Variants in RBFOX1 observed in about 807,000 individuals in gnomAD.
RBFOX1 encodes the protein RNA binding fox-1 homolog 1.
A neutral mutation model predicts 57.7 loss-of-function variants in RBFOX1; 8 were observed. The observed-to-expected ratio is 0.14, with a 90% CI of 0.08 to 0.25. The LOEUF (loss-of-function observed/expected upper bound fraction) is 0.25, where lower values mean the gene tolerates loss of function less well. RBFOX1 is among the 10% of genes least tolerant of loss of function. The probability of loss-of-function intolerance (pLI) is 1.00; values close to 1 mark genes in which losing one functional copy is unlikely to be tolerated. For synonymous variants in RBFOX1, 326 were observed against 222.4 expected, an observed-to-expected ratio of 1.47 and a Z score of -4.15; for missense variants, 611 against 548.5, an observed-to-expected ratio of 1.11 and a Z score of -1.14.
intron 1 of RBFOX1, among the ~76,000 whole-genome samples, chr16:6,032,308 A>C (rs1048120018): frequency 2.9e-4 from 44 of 152,298 alleles, no homozygotes; most frequent in African/African-American, 1.1e-3. Flanking sequence ...TGGAATTGCC[A>C]CTTAAAAAAA....
At chr16:5,745,718 CT>C (rs2052954675) in intron 3 of RBFOX1, among the ~76,000 whole-genome samples, 1 of 152,092 alleles carries the variant, frequency 6.6e-6, no homozygotes, top group Non-Finnish European at 1.5e-5. Context: ...TTTCATGTGT[CT>C]TTTGGCTGCA....
intron 3 of RBFOX1, among the ~76,000 whole-genome samples, chr16:5,657,244 C>A (rs2049460365): frequency 1.3e-5 from 2 of 152,140 alleles, no homozygotes; most frequent in African/African-American, 4.8e-5. Context: ...CATATATGGT[C>A]TTAGAACCAT....
chr16:6,302,999 C>G (rs1312262645), intron 1 of RBFOX1, among the ~76,000 whole-genome samples: 1 of 152,158 alleles, frequency 6.6e-6, no homozygotes, highest in African/African-American at 2.4e-5. Context: ...ATACTTGGGG[C>G]AGACCCCACT....
intron 3 of RBFOX1, among the ~76,000 whole-genome samples, chr16:6,927,332 GA>G (rs2075770445): frequency 6.9e-6 from 1 of 144,216 alleles, no homozygotes; most frequent in South Asian, 2.3e-4. Flanking sequence ...AGAATCGCTG[GA>G]ACCCGGGAGG....
At position 5,609,582 on chromosome 16, in the gene RBFOX1, G is replaced by A. The variant is rs777495146; in HGVS notation, c.318+10621G>A. ...CCGTGTCAGCGAAGGTTGACCCAGCGTCACTCCAGGCCAGAGCCTGGCCAA... is the reference window on the plus strand; with the variant it reads ...CCGTGTCAGCGAAGGTTGACCCAGCATCACTCCAGGCCAGAGCCTGGCCAA... On this transcript the variant is annotated intron_variant, in intron 3 of 19. Coordinates refer to the RBFOX1 transcript ENST00000641259. Among the ~76,000 whole-genome samples the A allele has an allele frequency of 3.2e-4, 48 of 152,282 alleles. No individual in the cohort carries two copies. The East Asian group carries it at 4.2e-3, about 13-fold the overall frequency.
chr16:6,216,584 G>A (rs537531471), intron 1 of RBFOX1, among the ~76,000 whole-genome samples: 14 of 152,278 alleles, frequency 9.2e-5, no homozygotes, highest in South Asian at 8.3e-4. Flanking sequence ...GTGAGCAAAA[G>A]CAAAGTATCC....
chr16:6,862,576 G>C (rs966469622), intron 3 of RBFOX1, among the ~76,000 whole-genome samples: 2 of 152,186 alleles, frequency 1.3e-5, no homozygotes. Context: ...TTTCCAGGAA[G>C]AAAAGAGAGT....
intron 4 of RBFOX1, among the ~76,000 whole-genome samples, chr16:7,247,459 C>T (rs550232721): frequency 6.6e-6 from 1 of 152,068 alleles, no homozygotes; most frequent in Non-Finnish European, 1.5e-5. Context: ...GTGTTAAGTT[C>T]CTGGTATGTG....
chr16:5,891,740 G>T (rs558185049), intron 4 of RBFOX1, among the ~76,000 whole-genome samples: 23 of 152,174 alleles, frequency 1.5e-4, no homozygotes, highest in Non-Finnish European at 3.2e-4. Context: ...GGGCTGTGGG[G>T]CCCAGAAAGT....
Position 7,154,685 on chromosome 16 carries a change from T to TTGTG in RBFOX1, c.27+102632_27+102635dup, listed in dbSNP as rs56742260. 7.3e-3 allele frequency among the ~76,000 whole-genome samples: 1,052 copies of TTGTG among 143,202 alleles called. 14 individuals are homozygous for TTGTG. The highest frequency in any genetic ancestry group is 0.018 in the African/African-American group (680 of 37,444). The allele number at this position is 143,202 out of a possible 152,430, so 93.9% of individuals were successfully genotyped here. A position where few individuals can be genotyped will look rare whatever the true frequency, so the allele number is the denominator to read the frequency against. On this transcript the variant is annotated intron_variant, in intron 4 of 15. Coordinates refer to ENST00000550418, the MANE Select transcript of RBFOX1 (RefSeq NM_018723.4). ...TGGGAAATGGCTAGACCCTCTTCCT[T>TTGTG]TGTGTGTGTGTGTGTGTGTGTGTGT...
At chr16:7,660,704 CT>C (rs2067505474) in intron 12 of RBFOX1, among the ~76,000 whole-genome samples, 1 of 152,208 alleles carries the variant, frequency 6.6e-6, no homozygotes, top group Non-Finnish European at 1.5e-5. Context: ...TCCGCATCAT[CT>C]GTTAACTTGT....
At chr16:5,883,905 A>C (rs1339637563) in intron 4 of RBFOX1, among the ~76,000 whole-genome samples, 1 of 152,142 alleles carries the variant, frequency 6.6e-6, no homozygotes, top group African/African-American at 2.4e-5. Context: ...CCCTTTAGGG[A>C]CAACACATTA....
At chr16:6,404,517 G>C (rs554505022) in intron 2 of RBFOX1, among the ~76,000 whole-genome samples, 11 of 152,292 alleles carry the variant, frequency 7.2e-5, no homozygotes, top group African/African-American at 2.4e-4. Context: ...ACTACAAATG[G>C]AGTGCGTGTG....
At chr16:6,778,229 A>G (rs2079724417) in intron 3 of RBFOX1, among the ~76,000 whole-genome samples, 1 of 152,282 alleles carries the variant, frequency 6.6e-6, no homozygotes, top group Admixed American at 6.5e-5. Context: ...GTAAATTAAA[A>G]CATTAATTTC....
intron 3 of RBFOX1, among the ~76,000 whole-genome samples, chr16:6,711,650 A>C (rs928002674): frequency 6.6e-6 from 1 of 152,138 alleles, no homozygotes; most frequent in African/African-American, 2.4e-5. Context: ...AGGCTTCCCC[A>C]TCCGTGTGGA....
At chr16:7,054,499 C>A (rs1393709185) in intron 4 of RBFOX1, among the ~76,000 whole-genome samples, 1 of 133,744 alleles carries the variant, frequency 7.5e-6, no homozygotes, top group Non-Finnish European at 1.5e-5. Context: ...CCTCGGCCCC[C>A]CAAGGTGATG....
At chr16:7,327,127 T>G (rs1186300258) in intron 4 of RBFOX1, among the ~76,000 whole-genome samples, 1 of 152,188 alleles carries the variant, frequency 6.6e-6, no homozygotes, top group East Asian at 1.9e-4. Flanking sequence ...AGTTCTGTCT[T>G]GGGTGGCAGG....
At chr16:6,778,279 T>C (rs2079734288) in intron 3 of RBFOX1, among the ~76,000 whole-genome samples, 1 of 152,126 alleles carries the variant, frequency 6.6e-6, no homozygotes. Context: ...TTGTACAAAG[T>C]AACAAACACA....
intron 2 of RBFOX1, among the ~76,000 whole-genome samples, chr16:6,516,701 A>C (rs1456565747): frequency 6.6e-6 from 1 of 152,210 alleles, no homozygotes; most frequent in Non-Finnish European, 1.5e-5. Context: ...TCGTGGTGCT[A>C]GTTGCAAGTA....
Sources: allele counts gnomAD v4.1 joint callset (sites outside exome capture counted in the v4.1 genomes callset), GRCh38; gene constraint gnomAD v4.1.1; transcripts MANE v1.5; gene names NCBI Gene and HGNC (gene_info 2026-07-23, HGNC 2026-07-21).